RYR2: variants seen among roughly 807,000 people sequenced by gnomAD.
The protein encoded by RYR2 is cardiac muscle ryanodine receptor-calcium release channel.
A neutral mutation model predicts 601.1 loss-of-function variants in RYR2; 227 were observed. That is an observed-to-expected ratio of 0.38 (90% confidence interval 0.34 to 0.42). RYR2 has a LOEUF of 0.42. RYR2 is among the 10% of genes least tolerant of loss of function. The pLI, the probability that RYR2 is intolerant of heterozygous loss-of-function variation, is 1.00. For missense variants in RYR2, 4,646 were observed against 6,156.5 expected, an observed-to-expected ratio of 0.75 and a Z score of 8.21; for synonymous variants, 2,223 against 2,175.1, an observed-to-expected ratio of 1.02 and a Z score of -0.61.
chr1:237,046,218 T>C (rs77383542), intron 1 of RYR2, among the ~76,000 whole-genome samples: 1,784 of 152,280 alleles, frequency 0.012, 38 homozygotes, highest in African/African-American at 0.04. Flanking sequence ...TGGATGGGAA[T>C]ACTTAGCCCT....
intron 2 of RYR2, among the ~76,000 whole-genome samples, chr1:237,282,203 T>C (rs1690969399): frequency 6.7e-6 from 1 of 148,242 alleles, no homozygotes; most frequent in Non-Finnish European, 1.5e-5. Context: ...TTTTTTTTTC[T>C]GTATAGAGCC....
At chr1:237,508,752 T>C (rs1402238358) in intron 23 of RYR2, among the ~76,000 whole-genome samples, 1 of 138,428 alleles carries the variant, frequency 7.2e-6, no homozygotes, top group African/African-American at 2.7e-5. Context: ...TTTTTTTTTT[T>C]TTTTTTTTGA....
chr1:237,377,349 C>A lies in RYR2; in HGVS notation c.490C>A (p.Pro164Thr), dbSNP rs764772142. Residue 164 changes from proline (P) to threonine (T), a missense_variant, in exon 8 of 105, where the codon CCT (proline) becomes ACT (threonine). Pro to Thr is a conservative substitution (Grantham distance 38, BLOSUM62 -1). Transcript: ENST00000366574. ...TGEACWWTIH[P>T]ASKQRSEGEK... ...GGAGGCTTGTTGGTGGACCATACACCCTGCCTCTAAGCAGCGATCAGAAGG... is the reference window on the plus strand; with the variant it reads ...GGAGGCTTGTTGGTGGACCATACACACTGCCTCTAAGCAGCGATCAGAAGG... 1.9e-6 allele frequency: 3 copies of A among 1,612,772 alleles called. No individual in the cohort carries two copies. The South Asian group carries it at 3.3e-5, about 18-fold the overall frequency.
At chr1:237,217,878 G>A (rs927589991) in intron 1 of RYR2, among the ~76,000 whole-genome samples, 10 of 152,174 alleles carry the variant, frequency 6.6e-5, no homozygotes, top group Admixed American at 6.6e-4. Context: ...TGTTTTGCTC[G>A]AAGGGCTTAC....
chr1:237,569,458 G>A, intron 29 of RYR2, 139 bp downstream of exon 29: 2 of 729,140 alleles, frequency 2.7e-6, no homozygotes, highest in Non-Finnish European at 4.6e-6. Context: ...GGTGCCTTGT[G>A]ACTGACTTGA....
chr1:237,105,150 C>T lies in RYR2; in HGVS notation c.48+62581C>T, dbSNP rs535320378. ...CCTGAGCTAGCCCAGCTGCTTTGTT[C>T]ACCTTACGTTTGGGGAAGGCTGAAA... On this transcript the variant is annotated intron_variant, in intron 1 of 104. Transcript: ENST00000366574. 1.1e-4 allele frequency among the ~76,000 whole-genome samples: 16 copies of T among 152,312 alleles called. No individual in the cohort carries two copies. The South Asian group carries it at 3.1e-3, about 30-fold the overall frequency.
intron 29 of RYR2, 107 bp from the exon 30 acceptor site, chr1:237,589,686 G>T (rs1024866824): frequency 4.0e-6 from 4 of 988,066 alleles, no homozygotes; most frequent in South Asian, 1.6e-5. Context: ...TCACCCTAGG[G>T]TGACAGCTCT....
intron 3 of RYR2, among the ~76,000 whole-genome samples, chr1:237,349,313 G>A (rs1307250227): frequency 1.3e-5 from 2 of 152,066 alleles, no homozygotes; most frequent in Non-Finnish European, 2.9e-5. Flanking sequence ...ATGTTGTGAG[G>A]AAAAATAATC....
At chr1:237,431,749 G>A (rs1194915058) in intron 12 of RYR2, among the ~76,000 whole-genome samples, 2 of 152,100 alleles carry the variant, frequency 1.3e-5, no homozygotes, top group Non-Finnish European at 2.9e-5. Context: ...GGGCAGAACA[G>A]TATCTGTTTT....
At chr1:237,384,336 G>A (rs1701800651) in intron 8 of RYR2, among the ~76,000 whole-genome samples, 1 of 152,168 alleles carries the variant, frequency 6.6e-6, no homozygotes. Context: ...TAAAATCAAG[G>A]TCGTTGGTTT....
chr1:237,359,034 G>T (rs145310837), intron 4 of RYR2, among the ~76,000 whole-genome samples: 141 of 152,250 alleles, frequency 9.3e-4, no homozygotes, highest in African/African-American at 3.2e-3. Context: ...GGACGTGATA[G>T]TACAGGTGCT....
At chr1:237,118,067 A>G (rs1275069413) in intron 1 of RYR2, among the ~76,000 whole-genome samples, 2 of 152,150 alleles carry the variant, frequency 1.3e-5, no homozygotes, top group Non-Finnish European at 2.9e-5. Context: ...TCAATTTTCA[A>G]TTTTCAAACT....
chr1:237,093,525 C>G (rs1027270425), intron 1 of RYR2, among the ~76,000 whole-genome samples: 1 of 152,122 alleles, frequency 6.6e-6, no homozygotes, highest in East Asian at 1.9e-4. Flanking sequence ...CCAGGCTGAC[C>G]CTGGCCTGGG....
In RYR2 at chr1:237,180,818, A is replaced by G. The variant is rs936661620; in HGVS notation, c.49-89679A>G. Among the ~76,000 whole-genome samples, 1 of 147,924 alleles carries G rather than the reference A, an allele frequency of 6.8e-6. No homozygotes were observed. Among genetic ancestry groups the G allele is most frequent in the African/African-American group, 2.5e-5 (1 of 40,710 alleles). On this transcript the variant is annotated intron_variant, in intron 1 of 104. Transcript: ENST00000366574. This position sits in a 1 kb window ranked among gnomAD's most constrained non-coding sequence, Gnocchi z 5.3. ...AATTATATAATAATTACTAATTTCAATCATGTAAATATATATCAATATTAA... is the reference window on the plus strand; with the variant it reads ...AATTATATAATAATTACTAATTTCAGTCATGTAAATATATATCAATATTAA...
chr1:237,238,614 T>C (rs1685835063), intron 1 of RYR2, among the ~76,000 whole-genome samples: 1 of 152,204 alleles, frequency 6.6e-6, no homozygotes. Flanking sequence ...CCTCTGGTCT[T>C]GGCCTCCTTC....
At chr1:237,483,817 G>A (rs553942950) in intron 17 of RYR2, among the ~76,000 whole-genome samples, 1 of 152,252 alleles carries the variant, frequency 6.6e-6, no homozygotes, top group African/African-American at 2.4e-5. Context: ...AAATGTCAGT[G>A]AAATCTGGAG....
At chr1:237,641,511 TTCTTTCTTTCTTTC>T in intron 47 of RYR2, among the ~76,000 whole-genome samples, 1 of 134,954 alleles carries the variant, frequency 7.4e-6, no homozygotes, top group Non-Finnish European at 1.7e-5. Context: ...CTTTCTTTCT[TTCTTTCTTTCTTTC>T]TTTTTCTTTC....
rs753707154 is a variant in RYR2, at chr1:237,593,588, G to T, written c.4388G>T (p.Arg1463Leu). The T allele has an allele frequency of 2.5e-6, 4 of 1,613,620 alleles. No individual in the cohort carries two copies. Among genetic ancestry groups the T allele is most frequent in the East Asian group, 2.2e-5 (1 of 44,860 alleles). Residue 1463 changes from arginine (R) to leucine (L), a missense_variant, in exon 33 of 105, where the codon CGC (arginine) becomes CTC (leucine). Transcript: ENST00000366574. ...ACAGGCTTTGACTTGGACAGAGTTC[G>T]CACAGTAACAGTTACTCTAGGAGAT... Reference protein sequence around the residue: ...YDTGFDLDRVRTVTVTLGDEK... With the variant: ...YDTGFDLDRVLTVTVTLGDEK...
intron 38 of RYR2, among the ~76,000 whole-genome samples, 154 bp from the exon 39 acceptor site, chr1:237,623,611 C>G (rs919569451): frequency 1.3e-5 from 2 of 151,924 alleles, no homozygotes; most frequent in African/African-American, 4.8e-5. Flanking sequence ...CCAGGCTGGT[C>G]TCAAAATCCT....
Sources: allele counts gnomAD v4.1 joint callset (sites outside exome capture counted in the v4.1 genomes callset), GRCh38; gene constraint gnomAD v4.1.1; non-coding constraint Gnocchi (gnomAD v3.1); transcripts MANE v1.5; gene names NCBI Gene and HGNC (gene_info 2026-07-23, HGNC 2026-07-21).